MEDAG: variants seen among roughly 807,000 people sequenced by gnomAD.
The protein encoded by MEDAG is mesenteric estrogen-dependent adipogenesis protein.
A neutral mutation model predicts 29.9 loss-of-function variants in MEDAG; 25 were observed. The ratio of observed to expected loss-of-function variants is 0.84; its 90% CI spans 0.61 to 1.17. MEDAG has a LOEUF of 1.17. MEDAG is among the 50% of genes most tolerant of loss of function. The probability of loss-of-function intolerance (pLI) is 0.00; values close to 1 mark genes in which losing one functional copy is unlikely to be tolerated. For synonymous variants in MEDAG, 158 were observed against 148.2 expected (o/e 1.07, Z -0.48); for missense variants, 398 against 372.9 (o/e 1.07, Z -0.56).
chr13:30,915,447 C>T (rs555411663), intron 1 of MEDAG, among the ~76,000 whole-genome samples: 47 of 152,284 alleles, frequency 3.1e-4, no homozygotes, highest in African/African-American at 1.1e-3. Context: ...GGCAATGAGA[C>T]ACATGTAAAT....
chr13:30,920,555 C>T (rs1459844248), intron 2 of MEDAG, among the ~76,000 whole-genome samples: 1 of 151,736 alleles, frequency 6.6e-6, no homozygotes, highest in Non-Finnish European at 1.5e-5. Flanking sequence ...CACCACTGTA[C>T]TCCAGCCTGG....
At chr13:30,918,644 G>C (rs1952953192) in intron 2 of MEDAG, among the ~76,000 whole-genome samples, 1 of 152,164 alleles carries the variant, frequency 6.6e-6, no homozygotes, top group Admixed American at 6.5e-5. Flanking sequence ...TTCTGTAATA[G>C]AAGTAGAATT....
Position 30,906,479 on chromosome 13 carries a change from G to C in MEDAG, c.-37G>C. 1.4e-6 allele frequency: 2 copies of C among 1,447,320 alleles called. No homozygotes were observed. Among genetic ancestry groups the C allele is most frequent in the Non-Finnish European group, 1.8e-6 (2 of 1,105,968 alleles). 89.7% of individuals were successfully genotyped at this position (1,447,320 alleles called of 1,614,324 possible). A position where few individuals can be genotyped will look rare whatever the true frequency, so the allele number is the denominator to read the frequency against. ...TGCCGGCTGGGGGCTGTAGGCACCG[G>C]ACGGAAGCAGGCGGTGTGAGGACCG... On this transcript the variant is annotated 5_prime_UTR_variant, in exon 1 of 5. Coordinates refer to ENST00000380482, the MANE Select transcript of MEDAG (RefSeq NM_032849.4).
Position 30,917,399 on chromosome 13 carries a change from A to C in MEDAG, c.279-4A>C. ...CATTTGCAATGATCTCTGCTTCTTC[A>C]TAGGTATGTGGAACTGACCAACTAC... On this transcript the variant is annotated splice_polypyrimidine_tract_variant and splice_region_variant and intron_variant, in intron 1 of 4. Transcript: ENST00000380482. The C allele has an allele frequency of 6.7e-7, 1 of 1,500,206 alleles. No individual in the cohort carries two copies. The allele number at this position is 1,500,206 out of a possible 1,614,324, so 92.9% of individuals were successfully genotyped here.
chr13:30,913,335 C>T (rs1021362218), intron 1 of MEDAG, among the ~76,000 whole-genome samples: 2 of 152,168 alleles, frequency 1.3e-5, no homozygotes, highest in Admixed American at 6.5e-5. Context: ...CCCACCTCAG[C>T]CTCCTGAGTT....
chr13:30,921,202 C>T (rs41291241), intron 3 of MEDAG, 76 bp downstream of exon 3: 17,840 of 1,247,652 alleles, frequency 0.014, 178 homozygotes, highest in Non-Finnish European at 0.015. Context: ...GGAACTGAGG[C>T]CCTATTGCCC....
At chr13:30,919,085 G>C (rs1029189972) in intron 2 of MEDAG, among the ~76,000 whole-genome samples, 1 of 152,100 alleles carries the variant, frequency 6.6e-6, no homozygotes, top group Non-Finnish European at 1.5e-5. Context: ...TGAAGTTGTC[G>C]AACAACTATC....
At chr13:30,921,929 C>G (rs75242270) in intron 4 of MEDAG, 83 bp downstream of exon 4, 29 of 1,402,630 alleles carry the variant, frequency 2.1e-5, no homozygotes, top group Non-Finnish European at 2.6e-5. Flanking sequence ...TCAATTGATT[C>G]AAAAGGCAAG....
chr13:30,924,286 G>A (rs1307410590), intron 4 of MEDAG, 25 bp from the exon 5 acceptor site: 1 of 1,595,356 alleles, frequency 6.3e-7, no homozygotes, highest in Non-Finnish European at 8.5e-7. Context: ...TGGTAATAAT[G>A]CATGCTTTGT....
At chr13:30,908,246 G>T (rs1018791907) in intron 1 of MEDAG, among the ~76,000 whole-genome samples, 4 of 152,174 alleles carry the variant, frequency 2.6e-5, no homozygotes, top group Non-Finnish European at 5.9e-5. Context: ...TGACAGCTTT[G>T]AATCTAGAAT....
intron 1 of MEDAG, among the ~76,000 whole-genome samples, chr13:30,914,582 G>A (rs1238983497): frequency 6.6e-6 from 1 of 152,198 alleles, no homozygotes; most frequent in Non-Finnish European, 1.5e-5. Flanking sequence ...TAGCTCATGT[G>A]TAGGTCATAC....
rs1953033201 is a variant in MEDAG at position 30,925,548 on chromosome 13, G to T, written c.*1113G>T. On this transcript the variant is annotated 3_prime_UTR_variant, in exon 5 of 5. Coordinates refer to ENST00000380482, the MANE Select transcript of MEDAG (RefSeq NM_032849.4). ...TTTTCTTAGCATTCAACCTAGAATTGATTAAATTTATGACTGAGGCTTCAT... is the reference window on the plus strand; with the variant it reads ...TTTTCTTAGCATTCAACCTAGAATTTATTAAATTTATGACTGAGGCTTCAT... 6.6e-6 allele frequency: 1 copy of T among 152,172 alleles called. No individual in the cohort carries two copies. Among genetic ancestry groups the T allele is most frequent in the African/African-American group, 2.4e-5 (1 of 41,462 alleles). 9.4% of individuals were successfully genotyped at this position (152,172 alleles called of 1,614,324 possible).
intron 1 of MEDAG, among the ~76,000 whole-genome samples, chr13:30,907,891 A>G (rs1863502952): frequency 6.6e-6 from 1 of 152,248 alleles, no homozygotes; most frequent in Admixed American, 6.5e-5. Context: ...TTTTCCAAAG[A>G]TAGTGAGGGC....
At position 30,908,169 on chromosome 13, in the gene MEDAG, G is replaced by A. The variant is rs898941970; in HGVS notation, c.278+1376G>A. The stretch of plus-strand genomic sequence containing the variant: ...CTGCAGAATCTGAAATGATTTTGAA[G>A]TCTGTCATCTAACTTTTGCTTTGAA... On this transcript the variant is annotated intron_variant, in intron 1 of 4. Coordinates refer to ENST00000380482, the MANE Select transcript of MEDAG (RefSeq NM_032849.4). Among the ~76,000 whole-genome samples the A allele has an allele frequency of 4.1e-4, 62 of 152,226 alleles. 1 individual carries two copies. Among genetic ancestry groups the A allele is most frequent in the African/African-American group, 1.4e-3 (58 of 41,444 alleles).
chr13:30,906,812 C>A lies in MEDAG; in HGVS notation c.278+19C>A, dbSNP rs762422588. On this transcript the variant is annotated intron_variant, in intron 1 of 4. Transcript: ENST00000380482. ...TCAAGAGGTGGGTGGCCTCGCCGTGCGCCCTGGCCCGTCGCCTGGTACCCG... is the reference window on the plus strand; with the variant it reads ...TCAAGAGGTGGGTGGCCTCGCCGTGAGCCCTGGCCCGTCGCCTGGTACCCG... 27 of 1,439,786 alleles carry A rather than the reference C, an allele frequency of 1.9e-5. No homozygotes were observed. Among genetic ancestry groups the A allele is most frequent in the Middle Eastern group, 2.3e-4 (1 of 4,430 alleles). 89.2% of individuals were successfully genotyped at this position (1,439,786 alleles called of 1,614,324 possible). A position where few individuals can be genotyped will look rare whatever the true frequency, so the allele number is the denominator to read the frequency against.
chr13:30,921,893 G>A (rs994249375), intron 4 of MEDAG, 47 bp downstream of exon 4: 4 of 1,528,758 alleles, frequency 2.6e-6, no homozygotes, highest in Non-Finnish European at 3.5e-6. Flanking sequence ...TTAAATAAAA[G>A]GGTAGAGTAA....
At chr13:30,923,449 TTC>T (rs555435774) in intron 4 of MEDAG, among the ~76,000 whole-genome samples, 12 of 152,064 alleles carry the variant, frequency 7.9e-5, no homozygotes, top group Non-Finnish European at 1.5e-4. Flanking sequence ...CTCTGTCTGT[TTC>T]TCTCTCTTTC....
intron 3 of MEDAG, 80 bp downstream of exon 3, chr13:30,921,206 A>G: frequency 8.1e-7 from 1 of 1,235,072 alleles, no homozygotes; most frequent in Non-Finnish European, 1.2e-6. Flanking sequence ...CTGAGGCCCT[A>G]TTGCCCTGGC....
At chr13:30,908,479 C>T (rs1952850387) in intron 1 of MEDAG, among the ~76,000 whole-genome samples, 1 of 152,112 alleles carries the variant, frequency 6.6e-6, no homozygotes, top group Non-Finnish European at 1.5e-5. Flanking sequence ...GAAGGATGGC[C>T]AGGAGGGAAT....
Sources: gnomAD v4.1 joint callset for allele counts (sites outside exome capture counted in the v4.1 genomes callset) on GRCh38, gnomAD v4.1.1 for gene constraint, MANE v1.5 for transcripts, NCBI Gene and HGNC (gene_info 2026-07-23, HGNC 2026-07-21) for gene names.